Variants in HPSE2 observed in about 807,000 individuals in gnomAD.
HPSE2 encodes the protein heparanase 2 (inactive).
In HPSE2, 38 loss-of-function variants were observed where a neutral mutation model predicts 60.5. The ratio of observed to expected loss-of-function variants is 0.63; its 90% CI spans 0.48 to 0.82. The LOEUF is 0.82. HPSE2 is among the 40% of genes least tolerant of loss of function. HPSE2 has a pLI of 0.00. For missense variants in HPSE2, 713 were observed against 740.4 expected (o/e 0.96, Z 0.43); for synonymous variants, 295 against 293.2 (o/e 1.01, Z -0.06).
intron 2 of HPSE2, among the ~76,000 whole-genome samples, chr10:99,178,021 CT>C (rs1182677535): frequency 6.6e-6 from 1 of 151,940 alleles, no homozygotes; most frequent in Non-Finnish European, 1.5e-5. Flanking sequence ...TGAATGACTA[CT>C]GGGTAAATAA....
intron 9 of HPSE2, among the ~76,000 whole-genome samples, chr10:98,517,995 G>T (rs1261024672): frequency 6.6e-6 from 1 of 152,212 alleles, no homozygotes; most frequent in African/African-American, 2.4e-5. Context: ...GTAAGGGAAA[G>T]CTTCCCTCCC....
intron 2 of HPSE2, among the ~76,000 whole-genome samples, chr10:99,148,513 G>A (rs1011269760): frequency 3.9e-5 from 6 of 152,000 alleles, no homozygotes; most frequent in South Asian, 2.1e-4. Flanking sequence ...GAAACTGGCC[G>A]GGTGCAGTAG....
At chr10:98,524,241 G>A (rs541825830) in intron 9 of HPSE2, among the ~76,000 whole-genome samples, 149 of 152,244 alleles carry the variant, frequency 9.8e-4, no homozygotes, top group African/African-American at 3.4e-3. Flanking sequence ...GAGTTGAGGA[G>A]CTGTGCACAA....
chr10:98,956,540 A>G (rs1955514445), intron 3 of HPSE2, among the ~76,000 whole-genome samples: 1 of 152,168 alleles, frequency 6.6e-6, no homozygotes, highest in Admixed American at 6.6e-5. Context: ...CCAAATCTCT[A>G]CCATACCTAG....
At chr10:98,474,357 A>T (rs1489114690) in intron 11 of HPSE2, among the ~76,000 whole-genome samples, 1 of 151,988 alleles carries the variant, frequency 6.6e-6, no homozygotes, top group Admixed American at 6.6e-5. Flanking sequence ...TGGCCAGTTC[A>T]CCCCTCAGGA....
intron 3 of HPSE2, among the ~76,000 whole-genome samples, chr10:98,770,635 C>T (rs974584787): frequency 2.6e-5 from 4 of 152,102 alleles, no homozygotes; most frequent in Admixed American, 6.6e-5. Flanking sequence ...TCTAAGATGC[C>T]TTCCCTTCTC....
At chr10:98,479,650 T>A (rs1328762733) in intron 11 of HPSE2, among the ~76,000 whole-genome samples, 4 of 152,190 alleles carry the variant, frequency 2.6e-5, no homozygotes, top group Non-Finnish European at 5.9e-5. Flanking sequence ...GGTGTTAAAC[T>A]GGCAGTAATT....
chr10:99,147,102 T>G (rs1031547808), intron 2 of HPSE2, among the ~76,000 whole-genome samples: 4 of 152,174 alleles, frequency 2.6e-5, no homozygotes, highest in African/African-American at 9.7e-5. Context: ...ACACTATTAT[T>G]GCCTCTATCT....
chr10:98,693,766 G>T, intron 6 of HPSE2, 134 bp downstream of exon 6: 1 of 782,532 alleles, frequency 1.3e-6, no homozygotes. Context: ...AACAACTTTG[G>T]AGTTACTTTC....
intron 3 of HPSE2, among the ~76,000 whole-genome samples, chr10:99,138,571 G>T (rs1328570060): frequency 6.6e-6 from 1 of 152,178 alleles, no homozygotes; most frequent in Non-Finnish European, 1.5e-5. Context: ...ATAAAAAAAG[G>T]ATGAGTTCAT....
At chr10:98,909,446 T>C (rs1953918852) in intron 3 of HPSE2, among the ~76,000 whole-genome samples, 1 of 151,036 alleles carries the variant, frequency 6.6e-6, no homozygotes, top group Non-Finnish European at 1.5e-5. Flanking sequence ...CTGGCCAACA[T>C]GGTGAAACCC....
intron 3 of HPSE2, among the ~76,000 whole-genome samples, chr10:98,917,440 G>A (rs1954152048): frequency 6.6e-6 from 1 of 152,078 alleles, no homozygotes; most frequent in African/African-American, 2.4e-5. Context: ...CACGTGAGTG[G>A]GTGGAAATGA....
At chr10:98,640,372 A>G (rs1287295292) in intron 7 of HPSE2, among the ~76,000 whole-genome samples, 3 of 152,188 alleles carry the variant, frequency 2.0e-5, no homozygotes, top group Admixed American at 1.3e-4. Flanking sequence ...GTGCTGGCCA[A>G]TGCACCTGAT....
intron 3 of HPSE2, among the ~76,000 whole-genome samples, chr10:98,809,204 T>C (rs1029575571): frequency 1.3e-5 from 2 of 152,140 alleles, no homozygotes; most frequent in Admixed American, 1.3e-4. Context: ...GACATAACAA[T>C]GTCTATTCAT....
In HPSE2 at chr10:99,130,874, C is replaced by T. The variant is rs553290390; in HGVS notation, c.610+13364G>A. Among the ~76,000 whole-genome samples, 3 of 152,124 alleles carry T rather than the reference C, an allele frequency of 2.0e-5. No individual in the cohort carries two copies. In the East Asian group the frequency reaches 5.8e-4, roughly 29 times the overall value. ...TGGATGTGCTGGGAGTCAGCTTGCA[C>T]AAGTTAAGTCCTTGAGGAAGGGGCT... On this transcript the variant is annotated intron_variant, in intron 3 of 11. Transcript: ENST00000370552.
chr10:98,753,317 G>T (rs1237477981), intron 3 of HPSE2, among the ~76,000 whole-genome samples: 2 of 152,072 alleles, frequency 1.3e-5, no homozygotes, highest in Non-Finnish European at 2.9e-5. Flanking sequence ...GTAAAATGCT[G>T]CAGCCTCTGT....
At chr10:99,053,275 C>T (rs918390388) in intron 3 of HPSE2, among the ~76,000 whole-genome samples, 2 of 151,966 alleles carry the variant, frequency 1.3e-5, no homozygotes, top group African/African-American at 4.8e-5. Context: ...AAAACTTTTC[C>T]ATTGTATGGA....
At chr10:98,600,598 GAGA>G (rs1945368807) in intron 9 of HPSE2, among the ~76,000 whole-genome samples, 1 of 151,754 alleles carries the variant, frequency 6.6e-6, no homozygotes, top group African/African-American at 2.4e-5. Context: ...CCTCCTCATG[GAGA>G]AGGAGGAAAA....
intron 8 of HPSE2, among the ~76,000 whole-genome samples, chr10:98,618,489 G>T (rs1431713745): frequency 2.0e-5 from 3 of 152,048 alleles, no homozygotes; most frequent in Non-Finnish European, 4.4e-5. Flanking sequence ...TGATTCCAAG[G>T]GGGTCCCTGC....
Sources: gnomAD v4.1 joint callset for allele counts (sites outside exome capture counted in the v4.1 genomes callset) on GRCh38, gnomAD v4.1.1 for gene constraint, MANE v1.5 for transcripts, NCBI Gene and HGNC (gene_info 2026-07-23, HGNC 2026-07-21) for gene names.